DARS1: variants seen among roughly 807,000 people sequenced by gnomAD.
DARS1 encodes aspartyl-tRNA synthetase 1.
DARS1 carries 51 observed loss-of-function variants against 68.8 expected under a neutral mutation model. The observed-to-expected ratio is 0.74, with a 90% CI of 0.59 to 0.94. The LOEUF (loss-of-function observed/expected upper bound fraction) is 0.94, where lower values mean the gene tolerates loss of function less well. DARS1 is among the 40% of genes least tolerant of loss of function. The probability of loss-of-function intolerance (pLI) is 0.00; values close to 1 mark genes in which losing one functional copy is unlikely to be tolerated. For missense variants in DARS1, 607 were observed against 597.3 expected (o/e 1.02, Z -0.17); for synonymous variants, 203 against 190.4 (o/e 1.07, Z -0.55).
chr2:135,970,252 CA>C (rs1217937806), intron 3 of DARS1, among the ~76,000 whole-genome samples: 742 of 49,248 alleles, frequency 0.015, no homozygotes, highest in African/African-American at 0.04. Flanking sequence ...GACCCTGTCT[CA>C]AAAAAAAAAA....
Position 135,985,122 on chromosome 2 carries a change from G to C in DARS1, c.66+281C>G, listed in dbSNP as rs537737535. On this transcript the variant is annotated intron_variant, in intron 1 of 15. Transcript: ENST00000264161. ...CCCAGAGAGACTCAAGTGTGACGCC[G>C]CGCTCCTACTTCCGGGGCGGCTGGT... 2.2e-5 allele frequency: 11 copies of C among 502,180 alleles called. No individual in the cohort carries two copies. The East Asian group carries it at 3.1e-4, about 14-fold the overall frequency. 31.1% of individuals were successfully genotyped at this position (502,180 alleles called of 1,614,324 possible).
chr2:135,930,279 G>A (rs1254008911), intron 7 of DARS1, among the ~76,000 whole-genome samples: 1 of 152,176 alleles, frequency 6.6e-6, no homozygotes, highest in Non-Finnish European at 1.5e-5. Context: ...CATAGTAGGG[G>A]CTATTTGATA....
At chr2:135,928,899 T>C (rs1202142261) in intron 7 of DARS1, among the ~76,000 whole-genome samples, 1 of 152,094 alleles carries the variant, frequency 6.6e-6, no homozygotes, top group Non-Finnish European at 1.5e-5. Flanking sequence ...TCGGCCAGAA[T>C]TATGTAGAAT....
chr2:135,932,148 TCTTAAGG>T (rs1336797134), intron 7 of DARS1, among the ~76,000 whole-genome samples: 2 of 152,124 alleles, frequency 1.3e-5, no homozygotes, highest in African/African-American at 4.8e-5. Context: ...CAAGAAGAAC[TCTTAAGG>T]TGACAAAAAA....
chr2:135,979,056 G>GA, intron 3 of DARS1: 1 of 370,440 alleles, frequency 2.7e-6, no homozygotes, highest in East Asian at 4.0e-5. Flanking sequence ...TGAAGTCTTA[G>GA]ATTTCATCAG....
intron 13 of DARS1, 40 bp downstream of exon 13, chr2:135,912,445 CT>C: frequency 1.3e-6 from 1 of 748,440 alleles, no homozygotes; most frequent in East Asian, 2.6e-5. Context: ...TAAAATTTCC[CT>C]TCTGCCTCAA....
chr2:135,906,541 A>AT lies in DARS1; in HGVS notation c.*774dup, dbSNP rs1409315721. On this transcript the variant is annotated 3_prime_UTR_variant, in exon 16 of 16. Coordinates refer to ENST00000264161, the MANE Select transcript of DARS1 (RefSeq NM_001349.4). ...TCTATCCCTACGCCCATCTAAACTAATATCCTGAAATGAATACATGTTGAC... is the reference window on the plus strand; with the variant it reads ...TCTATCCCTACGCCCATCTAAACTAATTATCCTGAAATGAATACATGTTGAC... 6.6e-6 allele frequency: 1 copy of AT among 152,172 alleles called. No homozygotes were observed. The highest frequency in any genetic ancestry group is 1.5e-5 in the Non-Finnish European group (1 of 68,012). 9.4% of individuals were successfully genotyped at this position (152,172 alleles called of 1,614,324 possible).
At chr2:135,920,020 A>T (rs1272301281) in intron 10 of DARS1, among the ~76,000 whole-genome samples, 1 of 152,206 alleles carries the variant, frequency 6.6e-6, no homozygotes, top group African/African-American at 2.4e-5. Context: ...CAAGGCCCAC[A>T]CAGAGAAGGA....
intron 3 of DARS1, among the ~76,000 whole-genome samples, chr2:135,963,047 C>T (rs536453661): frequency 2.0e-5 from 3 of 152,256 alleles, no homozygotes; most frequent in African/African-American, 7.2e-5. Flanking sequence ...TTCAGTGCTA[C>T]ACAAAGACCC....
chr2:135,984,525 T>TA (rs994215359), intron 1 of DARS1, among the ~76,000 whole-genome samples: 1 of 152,170 alleles, frequency 6.6e-6, no homozygotes, highest in South Asian at 2.1e-4. Context: ...AGTAGAGAGA[T>TA]ACAGTCACAC....
Position 135,985,496 on chromosome 2 carries a change from C to G in DARS1, c.-28G>C, listed in dbSNP as rs915256399. On this transcript the variant is annotated 5_prime_UTR_variant, in exon 1 of 16. Transcript: ENST00000264161. ...GGACACGGAACTGGGCAGTGGACAC[C>G]ACCCTCCCTCGCAGGCTTCCGTAAG... 3 of 1,613,988 alleles carry G rather than the reference C, an allele frequency of 1.9e-6. No individual in the cohort carries two copies. The highest frequency in any genetic ancestry group is 1.3e-5 in the African/African-American group (1 of 75,060).
intron 4 of DARS1, among the ~76,000 whole-genome samples, chr2:135,958,061 T>C (rs1353961640): frequency 2.0e-5 from 3 of 152,190 alleles, no homozygotes; most frequent in Non-Finnish European, 2.9e-5. Flanking sequence ...TTCAGTTACC[T>C]AAAACATTAA....
In DARS1 at chr2:135,979,303, C is replaced by G. The variant is rs779028673; in HGVS notation, c.188G>C (p.Arg63Pro). Residue 63 changes from arginine to proline, a missense_variant, in exon 3 of 16, where the codon CGT becomes CCT. Transcript: ENST00000264161. ...AGCTCTGCTTGTATGAACTCTTGCA[C>G]GTACCCAAACAACTTCATCAGCTTT... is the stretch of plus-strand genomic sequence containing the variant. ...IQKADEVVWV[R>P]ARVHTSRAKG... 2.7e-6 allele frequency: 4 copies of G among 1,495,566 alleles called. No individual in the cohort carries two copies. The highest frequency in any genetic ancestry group is 2.3e-5 in the East Asian group (1 of 44,342). The allele number at this position is 1,495,566 out of a possible 1,614,324, so 92.6% of individuals were successfully genotyped here. A position where few individuals can be genotyped will look rare whatever the true frequency, so the allele number is the denominator to read the frequency against.
At chr2:135,958,504 C>A (rs1282622607) in intron 4 of DARS1, among the ~76,000 whole-genome samples, 1 of 152,050 alleles carries the variant, frequency 6.6e-6, no homozygotes, top group Non-Finnish European at 1.5e-5. Context: ...AAGTTCTTGC[C>A]GAAGTCTAAA....
At chr2:135,959,133 T>C (rs893186485) in intron 4 of DARS1, among the ~76,000 whole-genome samples, 4 of 151,988 alleles carry the variant, frequency 2.6e-5, no homozygotes, top group Non-Finnish European at 4.4e-5. Flanking sequence ...GGCTCATGCC[T>C]GTAATCCCAG....
chr2:135,951,494 T>C (rs540440890), intron 4 of DARS1, among the ~76,000 whole-genome samples: 2 of 152,372 alleles, frequency 1.3e-5, no homozygotes, highest in South Asian at 4.1e-4. Flanking sequence ...GCAAACCCTG[T>C]TGTCACTTTC....
At chr2:135,935,527 G>A (rs1328254857) in intron 5 of DARS1, among the ~76,000 whole-genome samples, 1 of 152,094 alleles carries the variant, frequency 6.6e-6, no homozygotes, top group East Asian at 1.9e-4. Context: ...GTGAACCTGG[G>A]AGGTGGAGGT....
At position 135,916,240 on chromosome 2, in the gene DARS1, A is replaced by T. The variant is rs759899413; in HGVS notation, c.1092T>A (p.Asp364Glu). The T allele has an allele frequency of 6.3e-7, 1 of 1,593,412 alleles. No homozygotes were observed. Among genetic ancestry groups the T allele is most frequent in the Non-Finnish European group, 8.6e-7 (1 of 1,161,324 alleles). The change falls in exon 11 of 16, where the codon GAT becomes GAA. Residue 364 changes from aspartate to glutamate, a missense_variant. Asp to Glu is a conservative substitution (Grantham distance 45). Transcript: ENST00000264161. ...MLREAGVEMG[D>E]EDDLSTPNEK... ...CAAAGACAAACCTCAGATCGTCTTC[A>T]TCTCCCATTTCGACTCCAGCTTCCC...
chr2:135,965,909 C>T (rs1682223014), intron 3 of DARS1, among the ~76,000 whole-genome samples: 1 of 152,152 alleles, frequency 6.6e-6, no homozygotes, highest in African/African-American at 2.4e-5. Context: ...ATAGAACTGT[C>T]CACTCAGACT....
Sources: gnomAD v4.1 joint callset for allele counts (sites outside exome capture counted in the v4.1 genomes callset) on GRCh38, gnomAD v4.1.1 for gene constraint, MANE v1.5 for transcripts, NCBI Gene and HGNC (gene_info 2026-07-23, HGNC 2026-07-21) for gene names.